The following PAK4 variants were observed in gnomAD, a reference collection of about 807,000 sequenced individuals.
The protein encoded by PAK4 is serine/threonine-protein kinase PAK 4.
Under a neutral mutation model 53.5 loss-of-function variants are expected in PAK4, and 49 were observed. That is an observed-to-expected ratio of 0.92 (90% CI 0.73 to 1.16). The LOEUF is 1.16. Ranked by LOEUF, PAK4 falls within the 50% of genes most tolerant of loss-of-function variation. PAK4 has a pLI of 0.00. For missense variants in PAK4, 824 were observed against 850.7 expected, an observed-to-expected ratio of 0.97 and a Z score of 0.39; for synonymous variants, 376 against 375.6, an observed-to-expected ratio of 1.00 and a Z score of -0.01.
At chr19:39,137,910 C>T (rs895157257) in intron 1 of PAK4, among the ~76,000 whole-genome samples, 5 of 152,048 alleles carry the variant, frequency 3.3e-5, no homozygotes, top group Non-Finnish European at 7.4e-5. Context: ...TTGTGATCCG[C>T]CCACCTTGGC....
At chr19:39,177,473 G>T (rs969467034) in intron 7 of PAK4, among the ~76,000 whole-genome samples, 7 of 152,084 alleles carry the variant, frequency 4.6e-5, no homozygotes, top group African/African-American at 1.7e-4. Flanking sequence ...AGGGGTGGGT[G>T]CTGGGGGGGC....
rs1459845898 is a variant in PAK4 at position 39,175,911 on chromosome 19, C to A, written c.1359+473C>A. On this transcript the variant is annotated intron_variant, in intron 6 of 8. Coordinates refer to ENST00000358301, the Ensembl canonical transcript of PAK4. The surrounding 1 kb of genome is among the most constrained non-coding windows in gnomAD (Gnocchi z 4.7). The stretch of plus-strand genomic sequence containing the variant: ...ATGAAATGCTTGCAGAAGTGGATGA[C>A]TCCATCCCCTCCCCCAAGGAAGATT... Among the ~76,000 whole-genome samples the A allele has an allele frequency of 6.6e-6, 1 of 152,166 alleles. No individual in the cohort carries two copies. The highest frequency in any genetic ancestry group is 1.5e-5 in the Non-Finnish European group (1 of 68,024).
chr19:39,136,661 G>A (rs1459287186), intron 1 of PAK4, among the ~76,000 whole-genome samples: 2 of 152,226 alleles, frequency 1.3e-5, no homozygotes, highest in Non-Finnish European at 2.9e-5. Flanking sequence ...CGTAGCCTCA[G>A]GGCATGGGGG....
chr19:39,166,122 G>A (rs1172956390), intron 1 of PAK4, among the ~76,000 whole-genome samples: 3 of 152,192 alleles, frequency 2.0e-5, no homozygotes, highest in Non-Finnish European at 4.4e-5. Flanking sequence ...CTGTCTCTGG[G>A]CCAGGCCCTC....
chr19:39,157,842 C>T (rs1318720645), intron 1 of PAK4, among the ~76,000 whole-genome samples: 1 of 152,152 alleles, frequency 6.6e-6, no homozygotes, highest in African/African-American at 2.4e-5. Flanking sequence ...CGGGAGCTTT[C>T]CATGTGACCA....
At chr19:39,138,696 G>A (rs573770843) in intron 1 of PAK4, among the ~76,000 whole-genome samples, 177 of 152,300 alleles carry the variant, frequency 1.2e-3, no homozygotes, top group African/African-American at 4.1e-3. Flanking sequence ...CCCTGGTACC[G>A]CCCCTGGACC....
In PAK4 at chr19:39,175,617, G is replaced by A. The variant is rs2074589196; in HGVS notation, c.1359+179G>A. Among the ~76,000 whole-genome samples the A allele has an allele frequency of 6.6e-6, 1 of 152,162 alleles. No individual in the cohort carries two copies. The highest frequency in any genetic ancestry group is 2.4e-5 in the African/African-American group (1 of 41,424). Reference sequence around the variant, plus strand: ...CAGAGTCAGGTTCCAGCTCAGTGGGGACTCTGTGCAGTGGGAGGGCACAGG... The same window carrying A: ...CAGAGTCAGGTTCCAGCTCAGTGGGAACTCTGTGCAGTGGGAGGGCACAGG... On this transcript the variant is annotated intron_variant, in intron 6 of 8. Coordinates refer to ENST00000358301, the Ensembl canonical transcript of PAK4. The surrounding 1 kb of genome is among the most constrained non-coding windows in gnomAD (Gnocchi z 4.7).
intron 1 of PAK4, among the ~76,000 whole-genome samples, chr19:39,130,050 G>T (rs113625303): frequency 2.6e-5 from 4 of 152,070 alleles, no homozygotes; most frequent in African/African-American, 9.6e-5. Flanking sequence ...GAGAGGCCAG[G>T]GCTGTGAAGG....
intron 1 of PAK4, among the ~76,000 whole-genome samples, chr19:39,164,297 A>T (rs1166983661): frequency 6.6e-6 from 1 of 150,720 alleles, no homozygotes; most frequent in Non-Finnish European, 1.5e-5. Flanking sequence ...AAAAAAAAAA[A>T]AGAATTATAC....
At chr19:39,156,033 T>C (rs1458874778) in intron 1 of PAK4, among the ~76,000 whole-genome samples, 1 of 152,098 alleles carries the variant, frequency 6.6e-6, no homozygotes, top group African/African-American at 2.4e-5. Context: ...TTTCCTGCCA[T>C]CCACACCTCC....
intron 1 of PAK4, among the ~76,000 whole-genome samples, chr19:39,158,934 C>A (rs1179399658): frequency 6.6e-6 from 1 of 152,160 alleles, no homozygotes; most frequent in Non-Finnish European, 1.5e-5. Context: ...TTCATTCATT[C>A]ATTCATCATT....
intron 1 of PAK4, among the ~76,000 whole-genome samples, chr19:39,162,488 G>A (rs1315240860): frequency 2.6e-5 from 4 of 151,980 alleles, no homozygotes; most frequent in Non-Finnish European, 5.9e-5. Flanking sequence ...AGCTGATCTT[G>A]AACTCCTGGG....
At chr19:39,176,947 C>A in intron 7 of PAK4, among the ~76,000 whole-genome samples, 1 of 152,074 alleles carries the variant, frequency 6.6e-6, no homozygotes, top group South Asian at 2.1e-4. Flanking sequence ...CAGCTCACTG[C>A]AACCTCCACC....
At position 39,174,024 on chromosome 19, in the gene PAK4, T is replaced by TGCC; in HGVS notation, c.1098+15_1098+17dup. 6.5e-7 allele frequency: 1 copy of TGCC among 1,527,150 alleles called. No homozygotes were observed. Among genetic ancestry groups the TGCC allele is most frequent in the South Asian group, 1.2e-5 (1 of 83,216 alleles). 94.6% of individuals were successfully genotyped at this position (1,527,150 alleles called of 1,614,324 possible). A position where few individuals can be genotyped will look rare whatever the true frequency, so the allele number is the denominator to read the frequency against. On this transcript the variant is annotated intron_variant, in intron 4 of 8. Coordinates refer to ENST00000358301, the Ensembl canonical transcript of PAK4. Reference sequence around the variant, plus strand: ...CTCTTCAACGAGGTGCGGGCGCTGCTGCCCTGCCGCCCTGCTGGTCCTCCC... The same window carrying TGCC: ...CTCTTCAACGAGGTGCGGGCGCTGCTGCCGCCCTGCCGCCCTGCTGGTCCTCCC...
Position 39,173,603 on chromosome 19 carries a change from G to A in PAK4, c.691G>A (p.Gly231Arg), listed in dbSNP as rs1440711974. 1.6e-5 allele frequency: 24 copies of A among 1,529,762 alleles called. No homozygotes were observed. The highest frequency in any genetic ancestry group is 4.3e-5 in the Admixed American group (2 of 46,460). 94.8% of individuals were successfully genotyped at this position (1,529,762 alleles called of 1,614,324 possible). ...GGAGCCTCATGACGTGGCCCCTAAC[G>A]GGCCATCAGCGGGGGGCCTGGCCAT... Residue 231 changes from glycine (G) to arginine (R), a missense_variant, in exon 4 of 9, where the codon GGG (glycine) becomes AGG (arginine). Transcript: ENST00000358301. This position sits in a 1 kb window ranked among gnomAD's most constrained non-coding sequence, Gnocchi z 6.9.
intron 1 of PAK4, among the ~76,000 whole-genome samples, chr19:39,130,140 G>A (rs1453429901): frequency 6.7e-6 from 1 of 149,182 alleles, no homozygotes; most frequent in Non-Finnish European, 1.5e-5. Flanking sequence ...GGGGGACCCA[G>A]GCAGAGGGGT....
At chr19:39,125,879 G>A (rs1427860187) in exon 1 of PAK4, 3 of 153,136 alleles carry the variant, frequency 2.0e-5, no homozygotes, top group East Asian at 1.9e-4. Flanking sequence ...CGGAGTTCCA[G>A]GTCGAGCAGT....
chr19:39,165,761 A>G (rs691577), intron 1 of PAK4, among the ~76,000 whole-genome samples: 93,752 of 151,838 alleles, frequency 0.62, 29,156 homozygotes, highest in East Asian at 0.82. Flanking sequence ...TTTCCCATTC[A>G]TGAATTGGGA....
chr19:39,173,632 C>T lies in PAK4; in HGVS notation c.720C>T (p.Pro240=), dbSNP rs1360367491. 5 of 1,561,508 alleles carry T rather than the reference C, an allele frequency of 3.2e-6. No homozygotes were observed. Among genetic ancestry groups the T allele is most frequent in the East Asian group, 2.3e-5 (1 of 44,338 alleles). ...CATCAGCGGGGGGCCTGGCCATCCC[C>T]CAGTCCTCCTCCTCCTCCTCCCGGC... The change falls in exon 4 of 9, where the codon CCC becomes CCT. Residue 240 remains proline, a synonymous_variant. Transcript: ENST00000358301. This position sits in a 1 kb window ranked among gnomAD's most constrained non-coding sequence, Gnocchi z 6.9.
Sources: allele counts gnomAD v4.1 joint callset (sites outside exome capture counted in the v4.1 genomes callset), GRCh38; gene constraint gnomAD v4.1.1; non-coding constraint Gnocchi (gnomAD v3.1); transcripts MANE v1.5; gene names NCBI Gene and HGNC (gene_info 2026-07-23, HGNC 2026-07-21).